C10orf71: variants seen among roughly 807,000 people sequenced by gnomAD.
The protein encoded by C10orf71 is cardiac-enriched FHL2-interacting protein.
For synonymous variants in C10orf71, 758 were observed against 726.3 expected, an observed-to-expected ratio of 1.04 and a Z score of -0.70; for missense variants, 1,869 against 1,804.5, an observed-to-expected ratio of 1.04 and a Z score of -0.65.
chr10:49,326,940 C>CACACACAG lies in C10orf71; in HGVS notation c.*94_*95insGACACACA, dbSNP rs1849270673. ...AAAACAAGCAACACACACACACACA[C>CACACACAG]ACACACACACACACACACACACGAT... On this transcript the variant is annotated 3_prime_UTR_variant, in exon 3 of 3. Transcript: ENST00000374144. 6.4e-7 allele frequency: 1 copy of CACACACAG among 1,557,868 alleles called. No individual in the cohort carries two copies. The highest frequency in any genetic ancestry group is 1.9e-5 in the Admixed American group (1 of 52,388).
Position 49,326,434 on chromosome 10 carries a change from A to G in C10orf71, c.3889A>G (p.Lys1297Glu). 1 of 1,550,322 alleles carries G rather than the reference A, an allele frequency of 6.5e-7. No homozygotes were observed. Among genetic ancestry groups the G allele is most frequent in the Non-Finnish European group, 8.7e-7 (1 of 1,146,834 alleles). The change falls in exon 3 of 3, where the codon AAG (lysine) becomes GAG (glutamate). Residue 1297 changes from lysine (K) to glutamate (E), a missense_variant. By Grantham distance (56) the Lys-to-Glu change is moderately conservative. Transcript: ENST00000374144. ...VFDLPLQVKI[K>E]TFYDPETGKY... ...CGACTTGCCACTCCAGGTGAAAATC[A>G]AGACCTTCTATGACCCAGAGACGGG...
rs2132447437 is a variant in C10orf71 at position 49,326,920 on chromosome 10, A to ACCC, written c.*67_*68insCCC. The ACCC allele has an allele frequency of 3.2e-6, 2 of 627,626 alleles. No homozygotes were observed. Among genetic ancestry groups the ACCC allele is most frequent in the Non-Finnish European group, 4.2e-6 (2 of 475,966 alleles). The allele number at this position is 627,626 out of a possible 1,614,324, so 38.9% of individuals were successfully genotyped here. A position where few individuals can be genotyped will look rare whatever the true frequency, so the allele number is the denominator to read the frequency against. On this transcript the variant is annotated 3_prime_UTR_variant, in exon 3 of 3. Coordinates refer to ENST00000374144, the MANE Select transcript of C10orf71 (RefSeq NM_001135196.2). ...AGCTTACTTCCCCCTCCCCCAAAAC[A>ACCC]AGCAACACACACACACACACACACA...
Position 49,324,825 on chromosome 10 carries a change from G to C in C10orf71, c.2280G>C (p.Val760=). Residue 760 remains valine (V), a synonymous_variant, in exon 3 of 3, where the codon GTG becomes GTC. Transcript: ENST00000374144. ...AGCGGGAAGACAGGAGGAAGGATGT[G>C]AGTGCAGGTGACAGTCAGAAGGATG... is the stretch of plus-strand genomic sequence containing the variant. ...ENQREDRRKD[V]SAGDSQKDEK... is the part of the protein sequence containing the mutation. 1 of 1,552,026 alleles carries C rather than the reference G, an allele frequency of 6.4e-7. No individual in the cohort carries two copies. Among genetic ancestry groups the C allele is most frequent in the Non-Finnish European group, 8.7e-7 (1 of 1,147,084 alleles).
intron 1 of C10orf71, among the ~76,000 whole-genome samples, chr10:49,312,689 A>G (rs1848936702): frequency 6.6e-6 from 1 of 152,214 alleles, no homozygotes; most frequent in African/African-American, 2.4e-5. Context: ...CGCAATCCAG[A>G]CATACACAGT....
chr10:49,297,942 G>A (rs56387457), upstream of C10orf71, among the ~76,000 whole-genome samples: 13,506 of 152,276 alleles, frequency 0.089, 798 homozygotes, highest in Admixed American at 0.14. Flanking sequence ...AAGCTCTCAG[G>A]GCAAAAGGCA....
At chr10:49,319,682 CTATATATATATATATA>C (rs60174377) in intron 2 of C10orf71, among the ~76,000 whole-genome samples, 2,170 of 117,690 alleles carry the variant, frequency 0.018, 49 homozygotes, top group African/African-American at 0.03. Flanking sequence ...CACACACAAG[CTATATATATATATATA>C]TATATATATA....
intron 1 of C10orf71, among the ~76,000 whole-genome samples, chr10:49,314,605 A>G (rs1327740517): frequency 1.3e-5 from 2 of 152,200 alleles, no homozygotes; most frequent in Non-Finnish European, 2.9e-5. Context: ...TGCCCTAACC[A>G]TTCACAAAAT....
At chr10:49,300,509 T>C (rs1160774517) in intron 1 of C10orf71, among the ~76,000 whole-genome samples, 1 of 149,798 alleles carries the variant, frequency 6.7e-6, no homozygotes, top group Non-Finnish European at 1.5e-5. Flanking sequence ...GTTAGAATAG[T>C]TTGTAAGCCA....
Position 49,324,779 on chromosome 10 carries a change from A to C in C10orf71, c.2234A>C (p.Lys745Thr), listed in dbSNP as rs1163848869. 2 of 1,553,088 alleles carry C rather than the reference A, an allele frequency of 1.3e-6. No individual in the cohort carries two copies. The highest frequency in any genetic ancestry group is 8.7e-7 in the Non-Finnish European group (1 of 1,147,522). The change falls in exon 3 of 3, where the codon AAG (lysine) becomes ACG (threonine). Residue 745 changes from lysine to threonine, a missense_variant. Lys to Thr is a moderately conservative substitution (Grantham distance 78). Transcript: ENST00000374144. ...QSFASFDDQQ[K>T]MWFTENQRED... ...TTTGCCTCATTTGATGATCAGCAGA[A>C]GATGTGGTTTACTGAGAACCAGCGG... is the stretch of plus-strand genomic sequence containing the variant.
chr10:49,324,941 C>T lies in C10orf71; in HGVS notation c.2396C>T (p.Ala799Val), dbSNP rs1489054861. The T allele has an allele frequency of 1.3e-6, 2 of 1,550,830 alleles. No individual in the cohort carries two copies. Among genetic ancestry groups the T allele is most frequent in the Non-Finnish European group, 1.7e-6 (2 of 1,146,356 alleles). ...ACLENRSQGE[A>V]LQRERESVSG... ...CTGGAAAACCGCAGCCAGGGGGAAG[C>T]ATTGCAAAGAGAAAGGGAAAGTGTG... Residue 799 changes from alanine to valine, a missense_variant, in exon 3 of 3, where the codon GCA becomes GTA. Transcript: ENST00000374144.
rs763112464 is a variant in C10orf71 at position 49,322,695 on chromosome 10, C to A, written c.150C>A (p.Asp50Glu). The A allele has an allele frequency of 1.2e-6, 2 of 1,613,962 alleles. No individual in the cohort carries two copies. The highest frequency in any genetic ancestry group is 2.2e-5 in the East Asian group (1 of 44,874). ...TCTCCGAGGACACATCCTTCCATGACTCCTATCTGGCTGTGTCCCCGGATA... is the reference window on the plus strand; with the variant it reads ...TCTCCGAGGACACATCCTTCCATGAATCCTATCTGGCTGTGTCCCCGGATA... The part of the protein sequence containing the change: ...LCISEDTSFH[D>E]SYLAVSPDIT... Residue 50 changes from aspartate (D) to glutamate (E), a missense_variant, in exon 3 of 3, where the codon GAC becomes GAA. Transcript: ENST00000374144.
chr10:49,314,763 T>A (rs1848971828), intron 1 of C10orf71, among the ~76,000 whole-genome samples: 1 of 152,208 alleles, frequency 6.6e-6, no homozygotes, highest in Admixed American at 6.5e-5. Flanking sequence ...GATCTGAATT[T>A]TTTGGAAGGC....
intron 1 of C10orf71, among the ~76,000 whole-genome samples, chr10:49,313,966 G>C (rs866489967): frequency 2.6e-5 from 4 of 152,158 alleles, no homozygotes; most frequent in Non-Finnish European, 4.4e-5. Context: ...AGTGAGAAGA[G>C]AAGAGGCTCC....
At chr10:49,320,914 A>C (rs1424163132) in intron 2 of C10orf71, among the ~76,000 whole-genome samples, 1 of 152,164 alleles carries the variant, frequency 6.6e-6, no homozygotes, top group Non-Finnish European at 1.5e-5. Flanking sequence ...TATGATTGGC[A>C]TACAAAAAGC....
At chr10:49,322,252 A>C in intron 2 of C10orf71, 150 bp from the exon 3 acceptor site, 10 of 238,666 alleles carry the variant, frequency 4.2e-5, no homozygotes, top group East Asian at 1.7e-4. Context: ...AGAAACAGCT[A>C]GACCGGTCTA....
In C10orf71 at chr10:49,323,694, G is replaced by T; in HGVS notation, c.1149G>T (p.Lys383Asn). 6.2e-7 allele frequency: 1 copy of T among 1,613,934 alleles called. No homozygotes were observed. Among genetic ancestry groups the T allele is most frequent in the Non-Finnish European group, 8.5e-7 (1 of 1,179,886 alleles). ...AGCCAGCCCAGCCCCCATGGAGGAA[G>T]CCAAAGACTGGCAAAAAAGGGAAAG... ...QEKPAQPPWR[K>N]PKTGKKGKES... is the part of the protein sequence containing the mutation. The change falls in exon 3 of 3, where the codon AAG (lysine) becomes AAT (asparagine). Residue 383 changes from lysine (K) to asparagine (N), a missense_variant. Coordinates refer to ENST00000374144, the MANE Select transcript of C10orf71 (RefSeq NM_001135196.2).
intron 1 of C10orf71, among the ~76,000 whole-genome samples, chr10:49,313,014 A>T (rs374258245): frequency 1.3e-5 from 2 of 152,220 alleles, no homozygotes; most frequent in Non-Finnish European, 2.9e-5. Context: ...TGCACTGTGC[A>T]CTATGCTGCA....
chr10:49,324,950 G>A lies in C10orf71; in HGVS notation c.2405G>A (p.Arg802Lys). 1 of 1,550,996 alleles carries A rather than the reference G, an allele frequency of 6.4e-7. No individual in the cohort carries two copies. Among genetic ancestry groups the A allele is most frequent in the Non-Finnish European group, 8.7e-7 (1 of 1,146,456 alleles). Residue 802 changes from arginine to lysine, a missense_variant, in exon 3 of 3, where the codon AGA (arginine) becomes AAA (lysine). Coordinates refer to ENST00000374144, the MANE Select transcript of C10orf71 (RefSeq NM_001135196.2). ...ENRSQGEALQ[R>K]ERESVSGGRT... ...CGCAGCCAGGGGGAAGCATTGCAAA[G>A]AGAAAGGGAAAGTGTGTCTGGAGGA...
chr10:49,298,817 TGCGGGCG>T (rs1848676706), upstream of C10orf71: 1 of 152,298 alleles, frequency 6.6e-6, no homozygotes, highest in African/African-American at 2.4e-5. Context: ...ACTCGAGGAA[TGCGGGCG>T]GCGGTCGTCC....
Sources: gnomAD v4.1 joint callset for allele counts (sites outside exome capture counted in the v4.1 genomes callset) on GRCh38, gnomAD v4.1.1 for gene constraint, MANE v1.5 for transcripts, NCBI Gene and HGNC (gene_info 2026-07-23, HGNC 2026-07-21) for gene names.